The following C3orf49 variants were observed in gnomAD, a reference collection of about 807,000 sequenced individuals.
C3orf49 encodes the protein chromosome 3 open reading frame 49.
C3orf49 carries 27 observed loss-of-function variants against 13.3 expected under a neutral mutation model. The observed-to-expected ratio is 2.02, with a 90% CI of 1.49 to 2.79. The LOEUF (loss-of-function observed/expected upper bound fraction) is 2.79, where lower values mean the gene tolerates loss of function less well. Ranked by LOEUF, C3orf49 falls within the 30% of genes most tolerant of loss-of-function variation. The pLI, the probability that C3orf49 is intolerant of heterozygous loss-of-function variation, is 0.00. For missense variants in C3orf49, 242 were observed against 134.2 expected (o/e 1.80, Z -3.97); for synonymous variants, 87 against 47.6 (o/e 1.83, Z -3.40).
At chr3:63,837,526 G>C (rs941678920) in intron 5 of C3orf49, among the ~76,000 whole-genome samples, 1 of 151,876 alleles carries the variant, frequency 6.6e-6, no homozygotes, top group Non-Finnish European at 1.5e-5. Context: ...ATGTTTGCTT[G>C]CTTTGTACTT....
intron 5 of C3orf49, chr3:63,837,859 A>AT (rs987872105): frequency 7.8e-5 from 64 of 824,398 alleles, no homozygotes; most frequent in East Asian, 6.4e-4. Flanking sequence ...TAAAATTTGG[A>AT]TTTTTTTTAA....
chr3:63,791,266 ATTGT>A, the C3orf49 span, among the ~76,000 whole-genome samples: 1 of 152,206 alleles, frequency 6.6e-6, no homozygotes, highest in African/African-American at 2.4e-5. Flanking sequence ...GGCTGAAATA[ATTGT>A]TTGGCTGAAT....
At position 63,840,446 on chromosome 3, in the gene C3orf49, T is replaced by A. The variant is rs1322260057; in HGVS notation, c.850-4577T>A. 2.6e-5 allele frequency among the ~76,000 whole-genome samples: 4 copies of A among 151,940 alleles called. No homozygotes were observed. In the East Asian group the frequency reaches 7.7e-4, roughly 29 times the overall value. On this transcript the variant is annotated intron_variant, in intron 5 of 6. Transcript: ENST00000295896. ...GACTCTACAAAAAATAAAAATTAGC[T>A]GGGTGTGGTGGCATGTGCCTGTTAG...
intron 5 of C3orf49, among the ~76,000 whole-genome samples, chr3:63,835,558 C>A (rs1156555052): frequency 6.6e-6 from 1 of 152,086 alleles, no homozygotes; most frequent in Non-Finnish European, 1.5e-5. Context: ...ATGATTTCTT[C>A]TTAACTTCTA....
Position 63,831,783 on chromosome 3 carries a change from A to G in C3orf49, c.788A>G (p.Gln263Arg). 1.4e-6 allele frequency: 1 copy of G among 703,056 alleles called. No homozygotes were observed. The highest frequency in any genetic ancestry group is 2.6e-6 in the Non-Finnish European group (1 of 385,014). The allele number at this position is 703,056 out of a possible 1,614,324, so 43.6% of individuals were successfully genotyped here. ...GAGTTTCTGGGGGATGAAATTCTTC[A>G]GTCTTCTAAACAGTTCCAGAGGATA... ...QCEFLGDEILQSSKQFQRISK... is the reference protein window; with the variant it reads ...QCEFLGDEILRSSKQFQRISK... The change falls in exon 5 of 7, where the codon CAG becomes CGG. Residue 263 changes from glutamine (Q) to arginine (R), a missense_variant. By Grantham distance (43) the Gln-to-Arg change is conservative. Transcript: ENST00000295896.
chr3:63,838,447 T>TTTTC, intron 5 of C3orf49: 1 of 1,610,576 alleles, frequency 6.2e-7, no homozygotes, highest in Non-Finnish European at 8.5e-7. Flanking sequence ...GTTTTGCCCA[T>TTTTC]TGAAAATTCA....
At chr3:63,843,011 C>T (rs938113402) in intron 5 of C3orf49, among the ~76,000 whole-genome samples, 1 of 151,954 alleles carries the variant, frequency 6.6e-6, no homozygotes, top group Non-Finnish European at 1.5e-5. Context: ...TGGTCTCAAA[C>T]TACTGAACTC....
At chr3:63,788,071 C>T in the C3orf49 span, among the ~76,000 whole-genome samples, 2 of 152,200 alleles carry the variant, frequency 1.3e-5, no homozygotes, top group South Asian at 4.1e-4. Context: ...GCTTCAAGAG[C>T]AGGGACATAG....
the C3orf49 span, among the ~76,000 whole-genome samples, chr3:63,801,843 T>C: frequency 6.6e-6 from 1 of 152,168 alleles, no homozygotes; most frequent in African/African-American, 2.4e-5. Context: ...AAGCTGGCCC[T>C]TCAGGTATGT....
At chr3:63,792,352 A>G in the C3orf49 span, among the ~76,000 whole-genome samples, 6 of 152,246 alleles carry the variant, frequency 3.9e-5, no homozygotes. Flanking sequence ...CCACAATTAT[A>G]TAGCTACTTC....
chr3:63,787,444 G>C, the C3orf49 span, among the ~76,000 whole-genome samples: 7 of 151,980 alleles, frequency 4.6e-5, no homozygotes, highest in African/African-American at 1.7e-4. Flanking sequence ...ATTCAATTTC[G>C]GTGTCACACA....
At chr3:63,780,517 T>G in the C3orf49 span, among the ~76,000 whole-genome samples, 1 of 152,238 alleles carries the variant, frequency 6.6e-6, no homozygotes, top group Admixed American at 6.5e-5. Context: ...ATGGGATGGC[T>G]GGGACAAATG....
chr3:63,812,383 C>T, the C3orf49 span, among the ~76,000 whole-genome samples: 1 of 152,178 alleles, frequency 6.6e-6, no homozygotes, highest in African/African-American at 2.4e-5. Flanking sequence ...CACCTGTGGT[C>T]CACGGGCCAC....
At chr3:63,808,921 C>T in the C3orf49 span, among the ~76,000 whole-genome samples, 1 of 152,168 alleles carries the variant, frequency 6.6e-6, no homozygotes, top group Non-Finnish European at 1.5e-5. Context: ...TCCGTCGGTA[C>T]CTGTGGTGTC....
chr3:63,816,754 A>ATTTTC (rs199520861), upstream of C3orf49, among the ~76,000 whole-genome samples: 3 of 118,732 alleles, frequency 2.5e-5, no homozygotes, highest in African/African-American at 6.2e-5. Context: ...TTTCTTCCAC[A>ATTTTC]TTTTCTTTTC....
chr3:63,821,054 G>T (rs895596653), intron 1 of C3orf49, among the ~76,000 whole-genome samples: 1 of 152,114 alleles, frequency 6.6e-6, no homozygotes, highest in Admixed American at 6.5e-5. Context: ...GCTTTTTAAG[G>T]TTCCAAACAC....
chr3:63,815,966 A>T (rs1235137204), upstream of C3orf49, among the ~76,000 whole-genome samples: 1 of 150,508 alleles, frequency 6.6e-6, no homozygotes, highest in East Asian at 2.0e-4. Flanking sequence ...TTCTATTTTT[A>T]GTAGAGACGG....
chr3:63,801,472 A>C, the C3orf49 span, among the ~76,000 whole-genome samples: 1 of 152,232 alleles, frequency 6.6e-6, no homozygotes. Context: ...CACATCATTA[A>C]TTAAATAATC....
chr3:63,834,747 T>G (rs1428686333), intron 5 of C3orf49, among the ~76,000 whole-genome samples: 2 of 151,976 alleles, frequency 1.3e-5, no homozygotes, highest in African/African-American at 4.8e-5. Context: ...TCCACTTGCC[T>G]ATAGTGAATA....
Sources: allele counts gnomAD v4.1 joint callset (sites outside exome capture counted in the v4.1 genomes callset), GRCh38; gene constraint gnomAD v4.1.1; transcripts MANE v1.5; gene names NCBI Gene and HGNC (gene_info 2026-07-23, HGNC 2026-07-21).